CREBBP: variants seen among roughly 807,000 people sequenced by gnomAD.
The protein encoded by CREBBP is CREB binding lysine acetyltransferase.
Under a neutral mutation model 265.0 loss-of-function variants are expected in CREBBP, and 19 were observed. The observed-to-expected ratio is 0.07, with a 90% CI of 0.05 to 0.11. The LOEUF is 0.11. Ranked by LOEUF, CREBBP falls within the 10% of genes least tolerant of loss-of-function variation. CREBBP has a pLI of 1.00. For synonymous variants in CREBBP, 1,457 were observed against 1,223.7 expected (o/e 1.19, Z -3.98); for missense variants, 2,525 against 3,219.0 (o/e 0.78, Z 5.22).
In CREBBP at chr16:3,740,327, T is replaced by G. The variant is rs1319572504; in HGVS notation, c.4133+72A>C. 1.9e-6 allele frequency: 3 copies of G among 1,583,450 alleles called. No individual in the cohort carries two copies. The African/African-American group carries it at 4.0e-5, about 21-fold the overall frequency. On this transcript the variant is annotated intron_variant, in intron 24 of 30. Transcript: ENST00000262367. ...AGGATGACCTCAAACTCAAGAGCTT[T>G]GCAGAGAGCAGGCTCTGGCAAGCGG...
intron 21 of CREBBP, among the ~76,000 whole-genome samples, chr16:3,748,290 A>G (rs943996133): frequency 1.3e-5 from 2 of 152,072 alleles, no homozygotes; most frequent in Non-Finnish European, 2.9e-5. Context: ...GGGAAAAAAA[A>G]AAAGGAAAGA....
intron 3 of CREBBP, among the ~76,000 whole-genome samples, chr16:3,804,339 T>C (rs925485716): frequency 6.6e-6 from 1 of 152,132 alleles, no homozygotes; most frequent in Admixed American, 6.5e-5. Context: ...TTCTAAGGAT[T>C]AGAGGGAAAA....
chr16:3,727,413 A>G lies in CREBBP; in HGVS notation c.*305T>C. The stretch of plus-strand genomic sequence containing the variant: ...TTCCCGTTAAAAAAAGGCATGAGTC[A>G]CCAGCAATGACGACAAAAAGAATCC... On this transcript the variant is annotated 3_prime_UTR_variant, in exon 31 of 31. Transcript: ENST00000262367. 1 of 335,440 alleles carries G rather than the reference A, an allele frequency of 3.0e-6. No homozygotes were observed. The highest frequency in any genetic ancestry group is 5.5e-6 in the Non-Finnish European group (1 of 181,888). 20.8% of individuals were successfully genotyped at this position (335,440 alleles called of 1,614,324 possible).
In CREBBP at chr16:3,729,026, C is replaced by A. The variant is rs1444108946; in HGVS notation, c.6021G>T (p.Gln2007His). 1 of 1,590,354 alleles carries A rather than the reference C, an allele frequency of 6.3e-7. No individual in the cohort carries two copies. Among genetic ancestry groups the A allele is most frequent in the East Asian group, 2.3e-5 (1 of 44,088 alleles). ...TGCTGGGCATGACGGGCCCGCTCACCTGGTTGGGTCGGGGCACATTCAGGC... is the reference window on the plus strand; with the variant it reads ...TGCTGGGCATGACGGGCCCGCTCACATGGTTGGGTCGGGGCACATTCAGGC... ...PVSLNVPRPN[Q>H]VSGPVMPSMP... The change falls in exon 31 of 31, where the codon CAG (glutamine) becomes CAT (histidine). Residue 2007 changes from glutamine (Q) to histidine (H), a missense_variant. Gln to His is a conservative substitution (Grantham distance 24). Coordinates refer to ENST00000262367, the MANE Select transcript of CREBBP (RefSeq NM_004380.3).
chr16:3,757,729 C>A, intron 18 of CREBBP, 80 bp downstream of exon 18: 1 of 1,580,098 alleles, frequency 6.3e-7, no homozygotes, highest in Non-Finnish European at 8.6e-7. Flanking sequence ...AGTATACAGG[C>A]GTGGTCTCAT....
At chr16:3,786,230 G>A (rs2053384044) in intron 5 of CREBBP, among the ~76,000 whole-genome samples, 1 of 152,196 alleles carries the variant, frequency 6.6e-6, no homozygotes, top group Non-Finnish European at 1.5e-5. Flanking sequence ...GCTGAGTGTG[G>A]TGGTGCGTGC....
chr16:3,799,187 A>T (rs1451600020), intron 3 of CREBBP, among the ~76,000 whole-genome samples: 1 of 152,180 alleles, frequency 6.6e-6, no homozygotes, highest in Non-Finnish European at 1.5e-5. Context: ...ATGGGGAATA[A>T]CTGCTAATGG....
chr16:3,836,864 C>T (rs114417828), intron 2 of CREBBP, among the ~76,000 whole-genome samples: 92 of 152,234 alleles, frequency 6.0e-4, no homozygotes, highest in African/African-American at 2.0e-3. Context: ...GGCCTAGTGA[C>T]GTAGTAGCTG....
Position 3,770,723 on chromosome 16 carries a change from A to G in CREBBP, c.2727T>C (p.Ala909=), listed in dbSNP as rs2141200956. The G allele has an allele frequency of 6.2e-7, 1 of 1,614,036 alleles. No homozygotes were observed. The highest frequency in any genetic ancestry group is 8.5e-7 in the Non-Finnish European group (1 of 1,179,998). Residue 909 remains alanine, a synonymous_variant, in exon 14 of 31, where the codon GCT becomes GCC. Coordinates refer to ENST00000262367, the MANE Select transcript of CREBBP (RefSeq NM_004380.3). ...PTPTPGSVPS[A]TQTQSTPTVQ... ...CTGTAGGGGTGCTCTGGGTTTGGGT[A>G]GCACTGGGCACTGAGCCAGGAGTCG...
chr16:3,863,581 G>A (rs1347770619), intron 1 of CREBBP, among the ~76,000 whole-genome samples: 2 of 152,116 alleles, frequency 1.3e-5, no homozygotes, highest in African/African-American at 4.8e-5. Flanking sequence ...CAGCCTGGGT[G>A]ACAGAGCAAG....
At chr16:3,851,069 C>A (rs1029155222) in intron 1 of CREBBP, 60 bp from the exon 2 acceptor site, 5 of 1,427,054 alleles carry the variant, frequency 3.5e-6, no homozygotes, top group Admixed American at 1.7e-5. Context: ...TCTCCAACTG[C>A]CACGTTTCTA....
At position 3,726,427 on chromosome 16, in the gene CREBBP, GCCCACCTCAGTC is replaced by G. The variant is rs752807752; in HGVS notation, c.*1279_*1290del. On this transcript the variant is annotated 3_prime_UTR_variant, in exon 31 of 31. Coordinates refer to ENST00000262367, the MANE Select transcript of CREBBP (RefSeq NM_004380.3). ...CAACGCTGAGCCGCCCACCTCAGTC[GCCCACCTCAGTC>G]TCCGGGAAGAAAAGCCTCCGGGCGG... 4.5e-3 allele frequency: 379 copies of G among 83,332 alleles called. 1 individual carries two copies. Among genetic ancestry groups the G allele is most frequent in the Middle Eastern group, 0.011 (3 of 284 alleles). The allele number at this position is 83,332 out of a possible 1,614,324, so 5.2% of individuals were successfully genotyped here.
chr16:3,776,251 G>C (rs529773778), intron 11 of CREBBP, among the ~76,000 whole-genome samples: 3 of 152,248 alleles, frequency 2.0e-5, no homozygotes, highest in Admixed American at 2.0e-4. Flanking sequence ...ATCAAAGCCT[G>C]AGCAAAGCCT....
chr16:3,817,863 T>G (rs1469683507), intron 2 of CREBBP, among the ~76,000 whole-genome samples: 1 of 152,012 alleles, frequency 6.6e-6, no homozygotes, highest in Non-Finnish European at 1.5e-5. Flanking sequence ...TGTGTGATGT[T>G]CATTTCTGAG....
At chr16:3,768,383 G>C (rs542583375) in intron 15 of CREBBP, among the ~76,000 whole-genome samples, 2 of 152,186 alleles carry the variant, frequency 1.3e-5, no homozygotes, top group Admixed American at 1.3e-4. Flanking sequence ...CTGACCTCAA[G>C]TGATCCACCT....
At chr16:3,822,670 T>C (rs1259139244) in intron 2 of CREBBP, among the ~76,000 whole-genome samples, 1 of 152,190 alleles carries the variant, frequency 6.6e-6, no homozygotes, top group Non-Finnish European at 1.5e-5. Flanking sequence ...GCTTATTAAA[T>C]GCCATAAATC....
intron 25 of CREBBP, 162 bp downstream of exon 25, chr16:3,739,416 T>C: frequency 1.2e-6 from 1 of 821,714 alleles, no homozygotes; most frequent in Non-Finnish European, 1.9e-6. Context: ...TTCCCGCTAG[T>C]TTAATGGAAA....
chr16:3,787,392 C>T (rs142607840), intron 5 of CREBBP, among the ~76,000 whole-genome samples: 49 of 152,290 alleles, frequency 3.2e-4, no homozygotes, highest in South Asian at 6.2e-4. Context: ...ACATCACCCA[C>T]GACCCTTTGG....
chr16:3,877,429 G>A (rs945136050), intron 1 of CREBBP, among the ~76,000 whole-genome samples: 5 of 152,196 alleles, frequency 3.3e-5, no homozygotes, highest in African/African-American at 9.7e-5. Context: ...TGGAGACAGC[G>A]TCTCACTCCA....
Sources: gnomAD v4.1 joint callset for allele counts (sites outside exome capture counted in the v4.1 genomes callset) on GRCh38, gnomAD v4.1.1 for gene constraint, MANE v1.5 for transcripts, NCBI Gene and HGNC (gene_info 2026-07-23, HGNC 2026-07-21) for gene names.